The following CX3CL1 variants were observed in gnomAD, a reference collection of about 807,000 sequenced individuals.
CX3CL1 encodes C-X3-C motif chemokine ligand 1.
CX3CL1 carries 1 observed loss-of-function variant against 14.1 expected under a neutral mutation model. That is an observed-to-expected ratio of 0.07 (90% CI 0.03 to 0.34). The LOEUF is 0.34. Among genes scored for constraint, CX3CL1 ranks in the 10% least tolerant of loss-of-function variants. CX3CL1 has a pLI of 0.99. For synonymous variants in CX3CL1, 255 were observed against 229.6 expected (o/e 1.11, Z -1.00); for missense variants, 505 against 536.4 (o/e 0.94, Z 0.58).
At chr16:57,377,289 A>C (rs1367352230) in intron 1 of CX3CL1, 1 of 152,272 alleles carries the variant, frequency 6.6e-6, no homozygotes, top group Non-Finnish European at 1.5e-5. Flanking sequence ...GGCTCCACTC[A>C]ATAGGGCCTG....
At position 57,382,279 on chromosome 16, in the gene CX3CL1, A is replaced by C. The variant is rs770148243; in HGVS notation, c.441A>C (p.Ala147=). 1.9e-6 allele frequency: 3 copies of C among 1,608,114 alleles called. No individual in the cohort carries two copies. The highest frequency in any genetic ancestry group is 2.5e-6 in the Non-Finnish European group (3 of 1,176,542). ...AGCCGACTCCTTCTTCCCAGGAAGC[A>C]CAGAGGGCCCTGGGGACCTCCCCAG... The part of the protein sequence containing the change: ...SLEPTPSSQE[A]QRALGTSPEL... Residue 147 remains alanine (A), a synonymous_variant, in exon 3 of 3, where the codon GCA becomes GCC. Transcript: ENST00000006053. This position sits in a 1 kb window ranked among gnomAD's most constrained non-coding sequence, Gnocchi z 6.9.
At chr16:57,372,785 G>A (rs774177382) in intron 1 of CX3CL1, 147 bp downstream of exon 1, 7 of 733,126 alleles carry the variant, frequency 9.5e-6, no homozygotes, top group East Asian at 2.7e-5. Flanking sequence ...GTGCGAGAGG[G>A]GGCTGGGCAC....
Position 57,382,853 on chromosome 16 carries a change from C to T in CX3CL1, c.1015C>T (p.Arg339Trp), listed in dbSNP as rs1245922123. Residue 339 changes from arginine to tryptophan, a missense_variant, in exon 3 of 3, where the codon CGG (arginine) becomes TGG (tryptophan). Arg to Trp is a moderately radical substitution (Grantham distance 101). Transcript: ENST00000006053. This position sits in a 1 kb window ranked among gnomAD's most constrained non-coding sequence, Gnocchi z 6.9. ...TGTCCCTGACGCCCAGGCTGCCACCCGGAGGCAGGCGGTGGGGCTGCTGGC... is the reference window on the plus strand; with the variant it reads ...TGTCCCTGACGCCCAGGCTGCCACCTGGAGGCAGGCGGTGGGGCTGCTGGC... ...TPVPDAQAAT[R>W]RQAVGLLAFL... The T allele has an allele frequency of 6.4e-6, 10 of 1,556,376 alleles. No homozygotes were observed. Among genetic ancestry groups the T allele is most frequent in the East Asian group, 2.3e-5 (1 of 43,956 alleles).
intron 1 of CX3CL1, among the ~76,000 whole-genome samples, chr16:57,372,943 C>CG (rs1567552147): frequency 6.6e-6 from 1 of 151,918 alleles, no homozygotes; most frequent in Admixed American, 6.5e-5. Context: ...GCCAGGAGGG[C>CG]GGGGGTGGAG....
chr16:57,378,392 A>T (rs1182834962), intron 1 of CX3CL1: 1 of 152,128 alleles, frequency 6.6e-6, no homozygotes, highest in Non-Finnish European at 1.5e-5. Context: ...CTCTTAAAAA[A>T]ATTAGCCAGG....
intron 1 of CX3CL1, 94 bp from the exon 2 acceptor site, chr16:57,379,539 TG>T: frequency 1.3e-6 from 2 of 1,524,042 alleles, no homozygotes; most frequent in Non-Finnish European, 1.8e-6. Context: ...GGATCAGTTT[TG>T]GCTTGGGTGG....
chr16:57,375,253 C>T (rs958545897), intron 1 of CX3CL1, among the ~76,000 whole-genome samples: 2 of 151,988 alleles, frequency 1.3e-5, no homozygotes, highest in South Asian at 2.1e-4. Flanking sequence ...TGGCTTTGCA[C>T]AGTTTGGAGC....
chr16:57,372,580 A>G lies in CX3CL1; in HGVS notation c.12A>G (p.Ile4Met). 6.2e-7 allele frequency: 1 copy of G among 1,612,746 alleles called. No individual in the cohort carries two copies. The highest frequency in any genetic ancestry group is 8.5e-7 in the Non-Finnish European group (1 of 1,179,872). ...GCCCACCCTCAGCCATGGCTCCGATATCTCTGTCGTGGCTGCTCCGCTTGG... is the reference window on the plus strand; with the variant it reads ...GCCCACCCTCAGCCATGGCTCCGATGTCTCTGTCGTGGCTGCTCCGCTTGG... MAP[I>M]SLSWLLRLAT... The change falls in exon 1 of 3, where the codon ATA becomes ATG. Residue 4 changes from isoleucine to methionine, a missense_variant. By Grantham distance (10) the Ile-to-Met change is conservative (BLOSUM62 1). Coordinates refer to ENST00000006053, the MANE Select transcript of CX3CL1 (RefSeq NM_002996.6).
intron 2 of CX3CL1, among the ~76,000 whole-genome samples, chr16:57,381,707 G>A (rs577077252): frequency 1.2e-4 from 18 of 152,174 alleles, no homozygotes; most frequent in African/African-American, 1.9e-4. Flanking sequence ...TGATCAACTC[G>A]TCCGTGTTTG....
rs368032945 is a variant in CX3CL1, at chr16:57,382,315, G to C, written c.477G>C (p.Thr159=). The part of the protein sequence containing the change: ...RALGTSPELP[T]GVTGSSGTRL... ...TGGGGACCTCCCCAGAGCTGCCGAC[G>C]GGCGTGACTGGTTCCTCAGGGACCA... Residue 159 remains threonine (T), a synonymous_variant, in exon 3 of 3, where the codon ACG becomes ACC. Coordinates refer to ENST00000006053, the MANE Select transcript of CX3CL1 (RefSeq NM_002996.6). This position sits in a 1 kb window ranked among gnomAD's most constrained non-coding sequence, Gnocchi z 6.9. 1.9e-6 allele frequency: 3 copies of C among 1,605,362 alleles called. No homozygotes were observed. The highest frequency in any genetic ancestry group is 1.3e-5 in the African/African-American group (1 of 74,744).
intron 2 of CX3CL1, 147 bp downstream of exon 2, chr16:57,379,901 C>A (rs1483866515): frequency 1.1e-6 from 1 of 913,474 alleles, no homozygotes; most frequent in Non-Finnish European, 1.7e-6. Context: ...CCCTGGCCTG[C>A]AGGCCACCTC....
In CX3CL1 at chr16:57,381,979, C is replaced by T. The variant is rs537059330; in HGVS notation, c.192-51C>T. The T allele has an allele frequency of 1.6e-4, 247 of 1,525,456 alleles. 3 individuals are homozygous for T. The South Asian group carries it at 2.8e-3, about 17-fold the overall frequency. 94.5% of individuals were successfully genotyped at this position (1,525,456 alleles called of 1,614,324 possible). A position where few individuals can be genotyped will look rare whatever the true frequency, so the allele number is the denominator to read the frequency against. On this transcript the variant is annotated intron_variant, in intron 2 of 2. Transcript: ENST00000006053. ...GCTGTGCCCCCACACCACGCTGGCCCGGGTTTCTGGTATCTGGGCATAACC... is the reference window on the plus strand; with the variant it reads ...GCTGTGCCCCCACACCACGCTGGCCTGGGTTTCTGGTATCTGGGCATAACC...
chr16:57,375,274 C>T (rs537945142), intron 1 of CX3CL1, among the ~76,000 whole-genome samples: 3 of 152,142 alleles, frequency 2.0e-5, no homozygotes, highest in South Asian at 2.1e-4. Context: ...GGGGTGAGGG[C>T]GGGAGCCATG....
chr16:57,380,625 G>A (rs542314804), intron 2 of CX3CL1, among the ~76,000 whole-genome samples: 3 of 148,292 alleles, frequency 2.0e-5, no homozygotes, highest in African/African-American at 7.3e-5. Context: ...AGGAGCTGCA[G>A]AAATCACTAT....
chr16:57,376,404 A>G (rs1902245236), intron 1 of CX3CL1, among the ~76,000 whole-genome samples: 2 of 152,160 alleles, frequency 1.3e-5, no homozygotes, highest in Admixed American at 1.3e-4. Context: ...GTATATACTC[A>G]AAAGTAATTC....
intron 2 of CX3CL1, among the ~76,000 whole-genome samples, chr16:57,381,652 T>C (rs1447660449): frequency 1.3e-5 from 2 of 152,130 alleles, no homozygotes; most frequent in African/African-American, 4.8e-5. Context: ...CTGAGCTGGG[T>C]GCTTCACATA....
Position 57,379,645 on chromosome 16 carries a change from G to A in CX3CL1, c.82G>A (p.Gly28Ser), listed in dbSNP as rs751972904. 6.8e-6 allele frequency: 11 copies of A among 1,614,046 alleles called. No individual in the cohort carries two copies. Among genetic ancestry groups the A allele is most frequent in the Admixed American group, 3.3e-5 (2 of 60,006 alleles). The change falls in exon 2 of 3, where the codon GGT becomes AGT. Residue 28 changes from glycine to serine, a missense_variant. By Grantham distance (56) the Gly-to-Ser change is moderately conservative. Transcript: ENST00000006053. ...CTCTTTGAACTCAGGACAGCACCAC[G>A]GTGTGACGAAATGCAACATCACGTG... Reference protein sequence around the residue: ...LTVLLAGQHHGVTKCNITCSK... With the variant: ...LTVLLAGQHHSVTKCNITCSK...
intron 2 of CX3CL1, 89 bp from the exon 3 acceptor site, chr16:57,381,941 G>A: frequency 7.2e-7 from 1 of 1,391,346 alleles, no homozygotes; most frequent in South Asian, 1.4e-5. Flanking sequence ...GTGTTCACCT[G>A]CAGAGTATTG....
chr16:57,381,811 T>C (rs982851529), intron 2 of CX3CL1, among the ~76,000 whole-genome samples: 9 of 152,050 alleles, frequency 5.9e-5, no homozygotes, highest in Non-Finnish European at 1.3e-4. Context: ...ACCCTACAGA[T>C]GGGAGGCTTT....
Sources: allele counts gnomAD v4.1 joint callset (sites outside exome capture counted in the v4.1 genomes callset), GRCh38; gene constraint gnomAD v4.1.1; non-coding constraint Gnocchi (gnomAD v3.1); transcripts MANE v1.5; gene names NCBI Gene and HGNC (gene_info 2026-07-23, HGNC 2026-07-21).